The following LRRC74A variants were observed in gnomAD, a reference collection of about 807,000 sequenced individuals.
LRRC74A encodes the protein leucine rich repeat containing 74A.
Under a neutral mutation model 57.9 loss-of-function variants are expected in LRRC74A, and 44 were observed. That is an observed-to-expected ratio of 0.76 (90% CI 0.60 to 0.98). The LOEUF is 0.98. Ranked by LOEUF, LRRC74A falls within the 50% of genes least tolerant of loss-of-function variation. The pLI, the probability that LRRC74A is intolerant of heterozygous loss-of-function variation, is 0.00. For missense variants in LRRC74A, 572 were observed against 574.0 expected (o/e 1.00, Z 0.04); for synonymous variants, 211 against 219.4 (o/e 0.96, Z 0.34).
At chr14:76,830,672 G>A (rs893864173) in intron 2 of LRRC74A, among the ~76,000 whole-genome samples, 1 of 152,268 alleles carries the variant, frequency 6.6e-6, no homozygotes, top group Non-Finnish European at 1.5e-5. Context: ...TTGCCATTTT[G>A]AGAAGTCCAC....
chr14:76,830,988 A>G (rs1422088818), intron 2 of LRRC74A, among the ~76,000 whole-genome samples: 1 of 152,128 alleles, frequency 6.6e-6, no homozygotes, highest in African/African-American at 2.4e-5. Context: ...CTCCTACCCA[A>G]AGGGAAACAT....
chr14:76,848,051 T>C (rs1897219955), intron 7 of LRRC74A, among the ~76,000 whole-genome samples: 1 of 148,468 alleles, frequency 6.7e-6, no homozygotes, highest in Admixed American at 6.9e-5. Context: ...TGTGCGCCCG[T>C]AATCCCAGCT....
At chr14:76,837,292 G>C (rs879713583) in intron 4 of LRRC74A, among the ~76,000 whole-genome samples, 1 of 151,914 alleles carries the variant, frequency 6.6e-6, no homozygotes, top group South Asian at 2.1e-4. Context: ...TTAATACCAC[G>C]CCACTGGACA....
At chr14:76,859,745 G>A (rs897445757) in intron 10 of LRRC74A, among the ~76,000 whole-genome samples, 6 of 144,336 alleles carry the variant, frequency 4.2e-5, no homozygotes, top group African/African-American at 1.6e-4. Flanking sequence ...GCATAGTCTC[G>A]GCTCACTGCA....
intron 7 of LRRC74A, among the ~76,000 whole-genome samples, chr14:76,845,689 A>C (rs1171573118): frequency 6.6e-6 from 1 of 152,230 alleles, no homozygotes; most frequent in Non-Finnish European, 1.5e-5. Context: ...TGAAACATGC[A>C]TATGATAAAA....
At chr14:76,835,347 G>A (rs1205561829) in intron 3 of LRRC74A, among the ~76,000 whole-genome samples, 1 of 152,022 alleles carries the variant, frequency 6.6e-6, no homozygotes, top group Admixed American at 6.6e-5. Flanking sequence ...TTAGCCAGGT[G>A]TGGTGGTGGG....
At chr14:76,856,181 A>G (rs1897861563) in intron 9 of LRRC74A, among the ~76,000 whole-genome samples, 1 of 151,684 alleles carries the variant, frequency 6.6e-6, no homozygotes, top group Non-Finnish European at 1.5e-5. Context: ...GCACTTGCCT[A>G]CTCTTTTCTT....
intron 5 of LRRC74A, among the ~76,000 whole-genome samples, chr14:76,838,196 A>G (rs578233334): frequency 2.2e-4 from 33 of 152,296 alleles, no homozygotes; most frequent in African/African-American, 7.7e-4. Flanking sequence ...ATAATTTATC[A>G]TGTACTTTAC....
intron 10 of LRRC74A, among the ~76,000 whole-genome samples, chr14:76,858,065 A>T (rs1263368540): frequency 1.3e-5 from 2 of 152,160 alleles, no homozygotes; most frequent in Non-Finnish European, 2.9e-5. Flanking sequence ...TGTTTTTCCC[A>T]AAGTGATTTT....
intron 12 of LRRC74A, among the ~76,000 whole-genome samples, 200 bp downstream of exon 12, chr14:76,866,275 C>T (rs1415436112): frequency 1.3e-5 from 2 of 152,170 alleles, no homozygotes; most frequent in African/African-American, 4.8e-5. Flanking sequence ...CTGCTGAAGT[C>T]ATTCCTGTGC....
chr14:76,855,206 C>T (rs1179443461), intron 9 of LRRC74A, among the ~76,000 whole-genome samples: 2 of 152,330 alleles, frequency 1.3e-5, no homozygotes, highest in African/African-American at 2.4e-5. Flanking sequence ...ACCAAACAGA[C>T]TGGCCATCTA....
rs757945405 is a variant in LRRC74A, at chr14:76,826,563, G to A, written c.-135G>A. 1 of 1,612,552 alleles carries A rather than the reference G, an allele frequency of 6.2e-7. No individual in the cohort carries two copies. Among genetic ancestry groups the A allele is most frequent in the South Asian group, 1.1e-5 (1 of 90,642 alleles). ...TGCTGGGAGGGAAGGATAACTGCAG[G>A]CTCCCCTGGGATGCCCCCAGGTGAG... On this transcript the variant is annotated 5_prime_UTR_variant, in exon 1 of 14. Transcript: ENST00000689127.
At chr14:76,850,860 A>G (rs1201743617) in intron 7 of LRRC74A, among the ~76,000 whole-genome samples, 1 of 150,194 alleles carries the variant, frequency 6.7e-6, no homozygotes, top group Non-Finnish European at 1.5e-5. Context: ...AAAAAAAAAA[A>G]AAAAGAAAGA....
intron 3 of LRRC74A, among the ~76,000 whole-genome samples, chr14:76,832,578 G>T (rs896336738): frequency 4.6e-5 from 7 of 152,232 alleles, no homozygotes; most frequent in African/African-American, 1.7e-4. Context: ...AAACTGCTGG[G>T]ATTACAGGCA....
In LRRC74A at chr14:76,831,614, A is replaced by G. The variant is rs149388561; in HGVS notation, c.339+239A>G. Among the ~76,000 whole-genome samples the G allele has an allele frequency of 5.7e-3, 867 of 152,304 alleles. 6 individuals are homozygous for G. Among genetic ancestry groups the G allele is most frequent in the African/African-American group, 0.02 (824 of 41,564 alleles). ...TTGCAGAGACTTTGAGGAGAAAAAAATAGAAGTCTATATACTCTTTGCTGT... is the reference window on the plus strand; with the variant it reads ...TTGCAGAGACTTTGAGGAGAAAAAAGTAGAAGTCTATATACTCTTTGCTGT... On this transcript the variant is annotated intron_variant, in intron 3 of 13. Transcript: ENST00000689127.
intron 7 of LRRC74A, among the ~76,000 whole-genome samples, chr14:76,845,263 G>A (rs565667385): frequency 6.6e-6 from 1 of 152,116 alleles, no homozygotes; most frequent in South Asian, 2.1e-4. Flanking sequence ...AGTAGAGGCT[G>A]CAGTGAGCCA....
chr14:76,857,247 C>G (rs1445905087), intron 9 of LRRC74A, 133 bp from the exon 10 acceptor site: 3 of 597,018 alleles, frequency 5.0e-6, no homozygotes, highest in Non-Finnish European at 9.2e-6. Context: ...AACAGAAGGA[C>G]AAGGAGATAA....
intron 13 of LRRC74A, among the ~76,000 whole-genome samples, chr14:76,868,893 G>A (rs576106047): frequency 6.6e-6 from 1 of 152,328 alleles, no homozygotes; most frequent in African/African-American, 2.4e-5. Context: ...GGAGATAACC[G>A]CGGCACCTGG....
Position 76,831,261 on chromosome 14 carries a change from G to A in LRRC74A, c.225G>A (p.Leu75=), listed in dbSNP as rs774747734. 5.6e-6 allele frequency: 9 copies of A among 1,614,070 alleles called. No homozygotes were observed. Among genetic ancestry groups the A allele is most frequent in the Non-Finnish European group, 7.6e-6 (9 of 1,179,896 alleles). The change falls in exon 3 of 14, where the codon CTG becomes CTA. Residue 75 remains leucine, a synonymous_variant. Transcript: ENST00000689127. ...AGCTGTACCTGGAGGCCTGCAAGCT[G>A]ATGGGTGTAGTGCCTGTCTCCTACT... ...QKELYLEACK[L]MGVVPVSYFI...
Sources: allele counts gnomAD v4.1 joint callset (sites outside exome capture counted in the v4.1 genomes callset), GRCh38; gene constraint gnomAD v4.1.1; transcripts MANE v1.5; gene names NCBI Gene and HGNC (gene_info 2026-07-23, HGNC 2026-07-21).